Variants in TAF4B observed in about 807,000 individuals in gnomAD.
TAF4B encodes transcription initiation factor TFIID subunit 4B.
TAF4B carries 38 observed loss-of-function variants against 86.4 expected under a neutral mutation model. The observed-to-expected ratio is 0.44, with a 90% confidence interval of 0.34 to 0.58. The LOEUF (loss-of-function observed/expected upper bound fraction) is 0.58. Among genes scored for constraint, TAF4B ranks in the 20% least tolerant of loss-of-function variants. The probability of loss-of-function intolerance (pLI) is 0.02; values close to 1 mark genes in which losing one functional copy is unlikely to be tolerated. For missense variants in TAF4B, 988 were observed against 1,027.6 expected, an observed-to-expected ratio of 0.96 and a Z score of 0.53; for synonymous variants, 388 against 391.2, an observed-to-expected ratio of 0.99 and a Z score of 0.10.
chr18:26,354,514 CTTGAGTTT>C (rs1234538766), intron 13 of TAF4B, among the ~76,000 whole-genome samples: 1 of 152,178 alleles, frequency 6.6e-6, no homozygotes, highest in Non-Finnish European at 1.5e-5. Flanking sequence ...TTCTAGCAGT[CTTGAGTTT>C]TTTCAGTTAG....
intron 3 of TAF4B, among the ~76,000 whole-genome samples, chr18:26,272,619 T>TA (rs528247427): frequency 9.4e-4 from 143 of 152,146 alleles, no homozygotes; most frequent in African/African-American, 3.3e-3. Context: ...AGGGGGACAG[T>TA]ACACCCCCAA....
At chr18:26,288,591 C>T (rs746099617) in intron 7 of TAF4B, among the ~76,000 whole-genome samples, 6 of 152,138 alleles carry the variant, frequency 3.9e-5, no homozygotes, top group Non-Finnish European at 8.8e-5. Context: ...GCCAAGATCG[C>T]ACCACAGCAC....
chr18:26,310,787 C>T (rs1028122515), intron 9 of TAF4B, among the ~76,000 whole-genome samples: 2 of 152,056 alleles, frequency 1.3e-5, no homozygotes, highest in Admixed American at 1.3e-4. Flanking sequence ...CTAGAGCCAA[C>T]CAGTTACCAC....
At chr18:26,361,056 T>C (rs904254493) in intron 14 of TAF4B, among the ~76,000 whole-genome samples, 1 of 152,150 alleles carries the variant, frequency 6.6e-6, no homozygotes, top group Non-Finnish European at 1.5e-5. Flanking sequence ...TATTTATGAC[T>C]ATTTACATAT....
intron 13 of TAF4B, among the ~76,000 whole-genome samples, chr18:26,337,703 G>A (rs188106527): frequency 6.6e-5 from 10 of 152,226 alleles, no homozygotes; most frequent in Admixed American, 2.6e-4. Flanking sequence ...AATTACAGGC[G>A]TGAGCAACTG....
At chr18:26,254,233 C>G (rs1568106642) in intron 1 of TAF4B, among the ~76,000 whole-genome samples, 2 of 152,028 alleles carry the variant, frequency 1.3e-5, no homozygotes, top group Non-Finnish European at 2.9e-5. Flanking sequence ...TGGCCTCACA[C>G]CTGATTTTAA....
At chr18:26,317,801 CT>C (rs2056926692) in intron 10 of TAF4B, among the ~76,000 whole-genome samples, 2 of 152,158 alleles carry the variant, frequency 1.3e-5, no homozygotes, top group Admixed American at 6.5e-5. Context: ...GAAGGCAGTA[CT>C]TTTATGACCT....
chr18:26,257,592 T>C (rs541430887), intron 1 of TAF4B, among the ~76,000 whole-genome samples: 46 of 152,316 alleles, frequency 3.0e-4, no homozygotes, highest in African/African-American at 1.1e-3. Context: ...TACTTTTGTT[T>C]CCTATATGTT....
At chr18:26,304,167 TG>T (rs1465524952) in intron 9 of TAF4B, among the ~76,000 whole-genome samples, 13 of 77,178 alleles carry the variant, frequency 1.7e-4, no homozygotes, top group East Asian at 6.7e-4. Flanking sequence ...ATAGGTCGAC[TG>T]TTTTTTTTTT....
At chr18:26,324,157 T>C (rs988637551) in intron 11 of TAF4B, among the ~76,000 whole-genome samples, 5 of 152,264 alleles carry the variant, frequency 3.3e-5, no homozygotes, top group African/African-American at 1.2e-4. Flanking sequence ...AATTTTGTGA[T>C]GTGGGAAAAT....
At chr18:26,256,743 T>G (rs2056090426) in intron 1 of TAF4B, among the ~76,000 whole-genome samples, 1 of 152,036 alleles carries the variant, frequency 6.6e-6, no homozygotes, top group African/African-American at 2.4e-5. Context: ...TTTTCTAGTT[T>G]CCTTTATGAT....
intron 1 of TAF4B, among the ~76,000 whole-genome samples, chr18:26,252,041 AT>A (rs1673409044): frequency 6.6e-6 from 1 of 152,180 alleles, no homozygotes; most frequent in Non-Finnish European, 1.5e-5. Context: ...ATATTGTCTC[AT>A]TTGGTTCCTT....
chr18:26,345,745 T>C (rs2057172049), intron 13 of TAF4B, among the ~76,000 whole-genome samples: 1 of 152,146 alleles, frequency 6.6e-6, no homozygotes, highest in Admixed American at 6.5e-5. Flanking sequence ...TGGAAATCAG[T>C]GTAGGGATAC....
chr18:26,304,846 T>C (rs2056778176), intron 9 of TAF4B: 2 of 985,448 alleles, frequency 2.0e-6, no homozygotes, highest in Non-Finnish European at 2.4e-6. Context: ...GTCCACTTAC[T>C]GCCTGAAGGA....
In TAF4B at chr18:26,286,168, C is replaced by G; in HGVS notation, c.1259C>G (p.Ala420Gly). 1 of 1,614,224 alleles carries G rather than the reference C, an allele frequency of 6.2e-7. No homozygotes were observed. The highest frequency in any genetic ancestry group is 8.5e-7 in the Non-Finnish European group (1 of 1,180,048). Residue 420 changes from alanine (A) to glycine (G), a missense_variant, in exon 7 of 15, where the codon GCA (alanine) becomes GGA (glycine). Ala to Gly is a moderately conservative substitution (Grantham distance 60). Coordinates refer to ENST00000269142, the MANE Select transcript of TAF4B (RefSeq NM_005640.3). ...CTTCATTCTGTGGGCCCAACTGCTG[C>G]AACAGGAGGAACAACAGCTGGAACT... ...VTLHSVGPTAATGGTTAGTGL... is the reference protein window; with the variant it reads ...VTLHSVGPTAGTGGTTAGTGL...
At chr18:26,258,125 G>C (rs1445740245) in intron 1 of TAF4B, among the ~76,000 whole-genome samples, 1 of 151,850 alleles carries the variant, frequency 6.6e-6, no homozygotes, top group Non-Finnish European at 1.5e-5. Context: ...GTGGTGGCAT[G>C]TGCCTGTAAT....
At chr18:26,252,231 G>A (rs1031342005) in intron 1 of TAF4B, among the ~76,000 whole-genome samples, 11 of 152,060 alleles carry the variant, frequency 7.2e-5, no homozygotes, top group Non-Finnish European at 1.6e-4. Flanking sequence ...TTTGTACTTT[G>A]TTAAATTTAT....
At chr18:26,303,047 T>C in intron 9 of TAF4B, among the ~76,000 whole-genome samples, 1 of 143,012 alleles carries the variant, frequency 7.0e-6, no homozygotes. Flanking sequence ...CTTTTCTTCC[T>C]CCACTTTCAT....
chr18:26,245,541 TC>T (rs1296981363), intron 1 of TAF4B, among the ~76,000 whole-genome samples: 1 of 152,164 alleles, frequency 6.6e-6, no homozygotes, highest in Non-Finnish European at 1.5e-5. Context: ...TTTTCAATCT[TC>T]CCTGTGATTG....
Sources: allele counts gnomAD v4.1 joint callset (sites outside exome capture counted in the v4.1 genomes callset), GRCh38; gene constraint gnomAD v4.1.1; transcripts MANE v1.5; gene names NCBI Gene and HGNC (gene_info 2026-07-23, HGNC 2026-07-21).